The following HMCN1 variants were observed in gnomAD, a reference collection of about 807,000 sequenced individuals.
The protein encoded by HMCN1 is hemicentin-1.
In HMCN1, 321 loss-of-function variants were observed where a neutral mutation model predicts 625.9. That is an observed-to-expected ratio of 0.51 (90% CI 0.47 to 0.56). HMCN1 has a LOEUF of 0.56. Among genes scored for constraint, HMCN1 ranks in the 20% least tolerant of loss-of-function variants. The pLI is 0.00. For synonymous variants in HMCN1, 2,425 were observed against 2,417.6 expected (o/e 1.00, Z -0.09); for missense variants, 6,588 against 6,887.3 (o/e 0.96, Z 1.54).
At chr1:186,092,536 G>T (rs1303182347) in intron 64 of HMCN1, among the ~76,000 whole-genome samples, 2 of 151,906 alleles carry the variant, frequency 1.3e-5, no homozygotes, top group African/African-American at 4.8e-5. Context: ...GTAATTAATG[G>T]TGTGTGAGGA....
At chr1:186,158,463 T>G (rs139403972) in intron 97 of HMCN1, among the ~76,000 whole-genome samples, 21,382 of 152,034 alleles carry the variant, frequency 0.14, 2,736 homozygotes, top group African/African-American at 0.34. Flanking sequence ...GTCAATTTTG[T>G]CTTTTGTTGC....
chr1:185,991,152 G>A (rs1451058899), intron 22 of HMCN1, among the ~76,000 whole-genome samples: 1 of 151,940 alleles, frequency 6.6e-6, no homozygotes, highest in Non-Finnish European at 1.5e-5. Context: ...CCAACATCAA[G>A]GCAAAAGTTA....
At chr1:186,056,640 AG>A (rs903996224) in intron 45 of HMCN1, among the ~76,000 whole-genome samples, 1 of 151,980 alleles carries the variant, frequency 6.6e-6, no homozygotes, top group Non-Finnish European at 1.5e-5. Flanking sequence ...GAATTAATGC[AG>A]GAATGGAAAA....
At chr1:186,080,482 A>G (rs569054136) in intron 55 of HMCN1, among the ~76,000 whole-genome samples, 1 of 152,322 alleles carries the variant, frequency 6.6e-6, no homozygotes, top group South Asian at 2.1e-4. Flanking sequence ...ATTTTTCATA[A>G]CTAATGTGTA....
chr1:185,746,410 G>C (rs1381878340), intron 1 of HMCN1, among the ~76,000 whole-genome samples: 1 of 152,124 alleles, frequency 6.6e-6, no homozygotes, highest in Non-Finnish European at 1.5e-5. Flanking sequence ...AGTTCTAGAG[G>C]CTGGAAGTGC....
chr1:186,007,002 A>G (rs1558137830), intron 29 of HMCN1, 126 bp from the exon 30 acceptor site: 1 of 757,548 alleles, frequency 1.3e-6, no homozygotes, highest in Non-Finnish European at 2.2e-6. Context: ...TGCTAATCAT[A>G]TCATTTTATT....
chr1:186,133,579 T>C (rs1001398181), intron 86 of HMCN1, among the ~76,000 whole-genome samples: 6 of 152,220 alleles, frequency 3.9e-5, no homozygotes, highest in Admixed American at 3.9e-4. Context: ...TCAAGTCATT[T>C]TGTGACTAGG....
chr1:186,109,420 T>C (rs1660776732), intron 71 of HMCN1, among the ~76,000 whole-genome samples: 1 of 152,216 alleles, frequency 6.6e-6, no homozygotes, highest in South Asian at 2.1e-4. Flanking sequence ...TCAGTTTCTC[T>C]ATTTATTGTG....
In HMCN1 at chr1:186,103,675, G is replaced by T; in HGVS notation, c.10770+7G>T. 1 of 1,611,808 alleles carries T rather than the reference G, an allele frequency of 6.2e-7. No individual in the cohort carries two copies. The highest frequency in any genetic ancestry group is 8.5e-7 in the Non-Finnish European group (1 of 1,178,408). ...TCGAATTTCTACTGCTCAGGTAAGT[G>T]TCAAAGTTCATAGAATTATTTTAGG... On this transcript the variant is annotated splice_region_variant and intron_variant, in intron 69 of 106. Coordinates refer to ENST00000271588, the MANE Select transcript of HMCN1 (RefSeq NM_031935.3).
At chr1:185,961,021 C>T (rs986735076) in intron 11 of HMCN1, among the ~76,000 whole-genome samples, 2 of 152,006 alleles carry the variant, frequency 1.3e-5, no homozygotes, top group Non-Finnish European at 2.9e-5. Flanking sequence ...AACAAGAATC[C>T]GTGGAATAAT....
chr1:185,800,835 G>C (rs1355719668), intron 1 of HMCN1, among the ~76,000 whole-genome samples: 1 of 152,068 alleles, frequency 6.6e-6, no homozygotes, highest in East Asian at 1.9e-4. Context: ...CATTTCTTCT[G>C]TCTTATATTT....
rs1661186364 is a variant in HMCN1 at position 186,117,447 on chromosome 1, T to C, written c.11684-12T>C. Reference sequence around the variant, plus strand: ...GTAGTTTTTTCCCTTTTTGTTGTTGTTGTTGTTTTAGTTCCACCTTCCATA... The same window carrying C: ...GTAGTTTTTTCCCTTTTTGTTGTTGCTGTTGTTTTAGTTCCACCTTCCATA... On this transcript the variant is annotated splice_polypyrimidine_tract_variant and intron_variant, in intron 76 of 106. Coordinates refer to ENST00000271588, the MANE Select transcript of HMCN1 (RefSeq NM_031935.3). The C allele has an allele frequency of 6.2e-7, 1 of 1,613,180 alleles. No individual in the cohort carries two copies. The highest frequency in any genetic ancestry group is 8.5e-7 in the Non-Finnish European group (1 of 1,179,362).
At chr1:185,826,480 G>T (rs752989126) in intron 1 of HMCN1, among the ~76,000 whole-genome samples, 2 of 152,176 alleles carry the variant, frequency 1.3e-5, no homozygotes, top group Non-Finnish European at 2.9e-5. Flanking sequence ...CAACAGCTGT[G>T]CAGCTACGAG....
At chr1:185,924,666 G>T (rs1167825600) in intron 8 of HMCN1, among the ~76,000 whole-genome samples, 1 of 151,802 alleles carries the variant, frequency 6.6e-6, no homozygotes, top group South Asian at 2.1e-4. Context: ...ATTTATTTTG[G>T]AAAAACAATT....
chr1:186,185,460 C>T (rs1378224657), intron 105 of HMCN1, among the ~76,000 whole-genome samples: 1 of 152,172 alleles, frequency 6.6e-6, no homozygotes, highest in East Asian at 1.9e-4. Context: ...TTCACAGAGG[C>T]AGTAGGCAAG....
chr1:185,849,835 C>T (rs1662057047), intron 2 of HMCN1, among the ~76,000 whole-genome samples: 1 of 151,164 alleles, frequency 6.6e-6, no homozygotes, highest in Admixed American at 6.6e-5. Context: ...TTTTTTTCAC[C>T]AACAGTCTTC....
At position 186,153,971 on chromosome 1, in the gene HMCN1, T is replaced by C. The variant is rs1046045488; in HGVS notation, c.15240T>C (p.His5080=). The change falls in exon 97 of 107, where the codon CAT becomes CAC. Residue 5080 remains histidine, a synonymous_variant. Transcript: ENST00000271588. ...AAGAGACACTGGGTTTTAAAATTCA[T>C]GCTTCAATATCCAAAGGTAATTTGA... is the stretch of plus-strand genomic sequence containing the variant. The part of the protein sequence containing the change: ...QIEETLGFKI[H]ASISKGDRSN... 3 of 1,611,790 alleles carry C rather than the reference T, an allele frequency of 1.9e-6. No individual in the cohort carries two copies. The highest frequency in any genetic ancestry group is 3.3e-5 in the Admixed American group (2 of 60,018).
At chr1:186,053,541 G>A (rs1481977937) in intron 43 of HMCN1, among the ~76,000 whole-genome samples, 1 of 151,958 alleles carries the variant, frequency 6.6e-6, no homozygotes, top group Non-Finnish European at 1.5e-5. Context: ...TTTTCTGTTT[G>A]TGACAGTTTT....
intron 36 of HMCN1, among the ~76,000 whole-genome samples, chr1:186,026,759 C>T (rs1410070386): frequency 1.3e-5 from 2 of 151,956 alleles, no homozygotes; most frequent in African/African-American, 4.8e-5. Context: ...CTCAGCCTCC[C>T]TAGTAGGGAG....
Sources: allele counts gnomAD v4.1 joint callset (sites outside exome capture counted in the v4.1 genomes callset), GRCh38; gene constraint gnomAD v4.1.1; transcripts MANE v1.5; gene names NCBI Gene and HGNC (gene_info 2026-07-23, HGNC 2026-07-21).